Variants in PLEKHG4B observed in about 807,000 individuals in gnomAD.
PLEKHG4B encodes the protein pleckstrin homology domain-containing family G member 4B.
A neutral mutation model predicts 121.3 loss-of-function variants in PLEKHG4B; 111 were observed. That is an observed-to-expected ratio of 0.92 (90% CI 0.78 to 1.07). PLEKHG4B has a LOEUF of 1.07. PLEKHG4B is among the 50% of genes least tolerant of loss of function. The probability of loss-of-function intolerance (pLI) is 0.00; values close to 1 mark genes in which losing one functional copy is unlikely to be tolerated. For missense variants in PLEKHG4B, 1,831 were observed against 1,757.8 expected, an observed-to-expected ratio of 1.04 and a Z score of -0.74; for synonymous variants, 738 against 725.0, an observed-to-expected ratio of 1.02 and a Z score of -0.29.
chr5:120,359 C>T (rs1051055157), intron 2 of PLEKHG4B, among the ~76,000 whole-genome samples: 18 of 152,214 alleles, frequency 1.2e-4, no homozygotes, highest in South Asian at 1.0e-3. Context: ...TTCAGTCCCA[C>T]GGTTTCAACA....
At chr5:122,777 A>T (rs1175610282) in intron 2 of PLEKHG4B, among the ~76,000 whole-genome samples, 1 of 152,168 alleles carries the variant, frequency 6.6e-6, no homozygotes, top group African/African-American at 2.4e-5. Context: ...ATGGGAAAAT[A>T]CCACTAAGTG....
chr5:163,312 A>G lies in PLEKHG4B; in HGVS notation c.3240A>G (p.Ile1080Met), dbSNP rs141957182. ...GGAAACATCCCCAGAAGAAAATGAT[A>G]AAGAAAACGCAAAGTTTCGAGATAC... Reference protein sequence around the residue: ...RPRKHPQKKMIKKTQSFEIPQ... With the variant: ...RPRKHPQKKMMKKTQSFEIPQ... Residue 1080 changes from isoleucine (I) to methionine (M), a missense_variant, in exon 13 of 20, where the codon ATA becomes ATG. Physicochemically the swap from Ile to Met is conservative, Grantham distance 10 (BLOSUM62 1). Coordinates refer to ENST00000637938, the MANE Select transcript of PLEKHG4B (RefSeq NM_052909.5). The G allele has an allele frequency of 1.1e-5, 18 of 1,613,130 alleles. No homozygotes were observed. Among genetic ancestry groups the G allele is most frequent in the Admixed American group, 1.0e-4 (6 of 60,004 alleles).
At chr5:117,810 G>A (rs527637398) in intron 2 of PLEKHG4B, among the ~76,000 whole-genome samples, 34 of 152,262 alleles carry the variant, frequency 2.2e-4, no homozygotes, top group African/African-American at 8.2e-4. Flanking sequence ...CTAGGATTGT[G>A]CCACTACACT....
chr5:139,370 T>G lies in PLEKHG4B; in HGVS notation c.244-113T>G. The G allele has an allele frequency of 5.0e-6, 2 of 398,392 alleles. No individual in the cohort carries two copies. The highest frequency in any genetic ancestry group is 2.8e-4 in the South Asian group (2 of 7,246). The allele number at this position is 398,392 out of a possible 1,614,324, so 24.7% of individuals were successfully genotyped here. On this transcript the variant is annotated intron_variant, in intron 2 of 19. Transcript: ENST00000637938. The surrounding 1 kb of genome is among the most constrained non-coding windows in gnomAD (Gnocchi z 5.0). The stretch of plus-strand genomic sequence containing the variant: ...GACACCCCAGCCCCCGTGAGACCCC[T>G]TCCTTGTGGGAGCTCAGTCACTGAC...
intron 7 of PLEKHG4B, among the ~76,000 whole-genome samples, chr5:153,060 A>C (rs1187964482): frequency 6.6e-6 from 1 of 152,258 alleles, no homozygotes; most frequent in Admixed American, 6.5e-5. Context: ...GTGTGAAAAC[A>C]GACTAATACA....
chr5:169,263 C>T, intron 13 of PLEKHG4B, 77 bp from the exon 14 acceptor site: 1 of 1,565,346 alleles, frequency 6.4e-7, no homozygotes, highest in South Asian at 1.2e-5. Context: ...TCATGTGTTT[C>T]TGTCTCAGGC....
chr5:140,177 A>G lies in PLEKHG4B; in HGVS notation c.938A>G (p.Asp313Gly). The change falls in exon 3 of 20, where the codon GAC (aspartate) becomes GGC (glycine). Residue 313 changes from aspartate (D) to glycine (G), a missense_variant. Coordinates refer to ENST00000637938, the MANE Select transcript of PLEKHG4B (RefSeq NM_052909.5). ...TGTGGGGGGTCGGGGGAGAGGCCGG[A>G]CCCCATGGACCAGGAGGACAGACCC... ...ENCGGSGERP[D>G]PMDQEDRPKA... The G allele has an allele frequency of 1.0e-6, 1 of 955,114 alleles. No homozygotes were observed. The highest frequency in any genetic ancestry group is 1.5e-6 in the Non-Finnish European group (1 of 659,432). The allele number at this position is 955,114 out of a possible 1,614,324, so 59.2% of individuals were successfully genotyped here.
At chr5:124,876 G>A (rs1005746404) in intron 2 of PLEKHG4B, among the ~76,000 whole-genome samples, 3 of 152,216 alleles carry the variant, frequency 2.0e-5, no homozygotes, top group African/African-American at 7.2e-5. Flanking sequence ...GCTCACACCT[G>A]TAATCCCAGC....
rs922136844 is a variant in PLEKHG4B at position 183,320 on chromosome 5, C to T, written c.*997C>T. ...AAGGTAAACTCACAGTGCCTGACCT[C>T]GGAGTGCCAGGCGTGCAGAGGAGCA... On this transcript the variant is annotated 3_prime_UTR_variant, in exon 20 of 20. Coordinates refer to ENST00000637938, the MANE Select transcript of PLEKHG4B (RefSeq NM_052909.5). 2.6e-5 allele frequency: 4 copies of T among 152,232 alleles called. No individual in the cohort carries two copies. Among genetic ancestry groups the T allele is most frequent in the Non-Finnish European group, 2.9e-5 (2 of 68,054 alleles). The allele number at this position is 152,232 out of a possible 1,614,324, so 9.4% of individuals were successfully genotyped here. A position where few individuals can be genotyped will look rare whatever the true frequency, so the allele number is the denominator to read the frequency against.
At chr5:146,360 A>C (rs1403890067) in intron 6 of PLEKHG4B, among the ~76,000 whole-genome samples, 213 of 61,770 alleles carry the variant, frequency 3.4e-3, no homozygotes, top group East Asian at 4.3e-3. Flanking sequence ...CCTCCTCTCC[A>C]CCCCCACAGT....
At chr5:132,872 G>T (rs1315920643) in intron 2 of PLEKHG4B, among the ~76,000 whole-genome samples, 3 of 152,128 alleles carry the variant, frequency 2.0e-5, no homozygotes, top group African/African-American at 7.2e-5. Context: ...CTTTGGCTGT[G>T]TGGGGTCTTT....
chr5:165,242 A>C (rs1736272838), intron 13 of PLEKHG4B, among the ~76,000 whole-genome samples: 1 of 26,958 alleles, frequency 3.7e-5, no homozygotes, highest in Admixed American at 3.5e-4. Context: ...GCTCACACTA[A>C]TGCTCTGACG....
At chr5:103,511 C>G (rs1733884117) in intron 1 of PLEKHG4B, among the ~76,000 whole-genome samples, 1 of 152,164 alleles carries the variant, frequency 6.6e-6, no homozygotes, top group East Asian at 1.9e-4. Flanking sequence ...CCACCCTCGA[C>G]TCTGGATATA....
chr5:152,823 G>T (rs1404353694), intron 7 of PLEKHG4B, among the ~76,000 whole-genome samples: 2 of 152,200 alleles, frequency 1.3e-5, no homozygotes, highest in African/African-American at 4.8e-5. Context: ...GGGGGCAGAT[G>T]CTGTTCTTCT....
chr5:129,658 A>G (rs1320206036), intron 2 of PLEKHG4B, among the ~76,000 whole-genome samples: 1 of 152,198 alleles, frequency 6.6e-6, no homozygotes, highest in Non-Finnish European at 1.5e-5. Context: ...TTTCTTCATC[A>G]ACAAGGGTCA....
chr5:148,439 AGT>A (rs1427909250), intron 6 of PLEKHG4B, among the ~76,000 whole-genome samples: 4 of 152,210 alleles, frequency 2.6e-5, no homozygotes, highest in Non-Finnish European at 5.9e-5. Flanking sequence ...CTATGCTAAC[AGT>A]GAGCAATCTG....
chr5:149,210 T>C (rs1408843405), intron 6 of PLEKHG4B, among the ~76,000 whole-genome samples: 1 of 151,998 alleles, frequency 6.6e-6, no homozygotes, highest in Non-Finnish European at 1.5e-5. Flanking sequence ...AAAGAAAAAA[T>C]GGACAAATCA....
rs1350521746 is a variant in PLEKHG4B, at chr5:189,317, A to G, written c.*6994A>G. On this transcript the variant is annotated 3_prime_UTR_variant, in exon 20 of 20. Coordinates refer to ENST00000637938, the MANE Select transcript of PLEKHG4B (RefSeq NM_052909.5). ...CCCCCTCACCCCGTGTCCACCGCCC[A>G]TGGCCGGGCTCACAGTGTCTCAGAG... The G allele has an allele frequency of 1.3e-5, 2 of 152,412 alleles. No homozygotes were observed. Among genetic ancestry groups the G allele is most frequent in the Admixed American group, 6.5e-5 (1 of 15,290 alleles). 9.4% of individuals were successfully genotyped at this position (152,412 alleles called of 1,614,324 possible). A position where few individuals can be genotyped will look rare whatever the true frequency, so the allele number is the denominator to read the frequency against.
At chr5:142,561 C>T (rs1006154150) in intron 3 of PLEKHG4B, among the ~76,000 whole-genome samples, 27 of 148,556 alleles carry the variant, frequency 1.8e-4, no homozygotes, top group African/African-American at 6.4e-4. Flanking sequence ...ACCACACACA[C>T]AGTCACACAC....
Sources: allele counts gnomAD v4.1 joint callset (sites outside exome capture counted in the v4.1 genomes callset), GRCh38; gene constraint gnomAD v4.1.1; non-coding constraint Gnocchi (gnomAD v3.1); transcripts MANE v1.5; gene names NCBI Gene and HGNC (gene_info 2026-07-23, HGNC 2026-07-21).